ZBED6: variants seen among roughly 807,000 people sequenced by gnomAD.
ZBED6 encodes zinc finger BED domain-containing protein 6.
A neutral mutation model predicts 58.4 loss-of-function variants in ZBED6; 40 were observed. That is an observed-to-expected ratio of 0.68 (90% CI 0.53 to 0.89). The LOEUF (loss-of-function observed/expected upper bound fraction) is 0.89, where lower values mean the gene tolerates loss of function less well. Ranked by LOEUF, ZBED6 falls within the 40% of genes least tolerant of loss-of-function variation. The pLI is 0.00. For missense variants in ZBED6, 1,057 were observed against 1,003.9 expected (o/e 1.05, Z -0.71); for synonymous variants, 439 against 350.6 (o/e 1.25, Z -2.82).
intron 10 of ZBED6, among the ~76,000 whole-genome samples, chr1:203,839,734 A>G (rs1043118937): frequency 6.6e-6 from 1 of 152,210 alleles, no homozygotes; most frequent in African/African-American, 2.4e-5. Flanking sequence ...GCTCTACAAT[A>G]ACAAAATTAT....
chr1:203,812,721 AC>A (rs761691896), intron 1 of ZBED6, among the ~76,000 whole-genome samples: 1 of 150,882 alleles, frequency 6.6e-6, no homozygotes, highest in Non-Finnish European at 1.5e-5. Flanking sequence ...AGCTGGGATT[AC>A]AGGTGTGTGC....
At chr1:203,819,377 A>G (rs2102824589) in intron 3 of ZBED6, among the ~76,000 whole-genome samples, 1 of 150,298 alleles carries the variant, frequency 6.7e-6, no homozygotes, top group Non-Finnish European at 1.5e-5. Flanking sequence ...ACCTGCCACC[A>G]TGGCCTGCTA....
At chr1:203,841,142 CT>C (rs1303978527) in intron 11 of ZBED6, among the ~76,000 whole-genome samples, 201 of 129,738 alleles carry the variant, frequency 1.5e-3, no homozygotes, top group Middle Eastern at 3.8e-3. Flanking sequence ...ACATAAGAAT[CT>C]TTTTTTTTTT....
At chr1:203,809,408 C>T (rs897825250) in intron 1 of ZBED6, among the ~76,000 whole-genome samples, 1 of 151,464 alleles carries the variant, frequency 6.6e-6, no homozygotes, top group Non-Finnish European at 1.5e-5. Flanking sequence ...AACTCCTGAC[C>T]TCGTGATCCG....
intron 1 of ZBED6, among the ~76,000 whole-genome samples, chr1:203,805,001 A>G (rs897630609): frequency 2.6e-5 from 4 of 151,828 alleles, no homozygotes; most frequent in African/African-American, 7.3e-5. Context: ...TATGTTTGTA[A>G]TTTATGCCTT....
chr1:203,848,166 C>G (rs2103414256), intron 12 of ZBED6, among the ~76,000 whole-genome samples, 165 bp from the exon 13 acceptor site: 1 of 152,214 alleles, frequency 6.6e-6, no homozygotes, highest in South Asian at 2.1e-4. Context: ...CCAACCTTTG[C>G]TATTTTAATG....
chr1:203,798,406 G>A (rs1230568920), exon 1 of ZBED6: 3 of 1,533,474 alleles, frequency 2.0e-6, no homozygotes, highest in Non-Finnish European at 2.6e-6. Context: ...GTGAGCCGGG[G>A]TAGGCCAGGG....
intron 1 of ZBED6, among the ~76,000 whole-genome samples, chr1:203,811,741 C>G (rs1407213981): frequency 6.6e-6 from 1 of 151,958 alleles, no homozygotes; most frequent in African/African-American, 2.4e-5. Context: ...AACTCTTGAC[C>G]TCAAATGACT....
intron 1 of ZBED6, among the ~76,000 whole-genome samples, chr1:203,810,171 T>G (rs1405574787): frequency 1.3e-5 from 2 of 151,590 alleles, no homozygotes; most frequent in Non-Finnish European, 2.9e-5. Context: ...AGAGATGAGG[T>G]CTGTCTGTTG....
chr1:203,847,751 G>T, intron 12 of ZBED6, 64 bp downstream of exon 12: 1 of 1,555,688 alleles, frequency 6.4e-7, no homozygotes, highest in Non-Finnish European at 8.6e-7. Context: ...AGTGTTCCGT[G>T]GGATCTTCCT....
At chr1:203,814,569 G>C (rs977146854) in intron 1 of ZBED6, among the ~76,000 whole-genome samples, 2 of 151,440 alleles carry the variant, frequency 1.3e-5, no homozygotes, top group Non-Finnish European at 2.9e-5. Flanking sequence ...CCAATAACAC[G>C]ATCCTAATTT....
At chr1:203,819,265 A>G (rs1677570443) in intron 3 of ZBED6, among the ~76,000 whole-genome samples, 1 of 144,424 alleles carries the variant, frequency 6.9e-6, no homozygotes, top group African/African-American at 2.6e-5. Context: ...TCTGTCGCCC[A>G]CGCTGGAGTG....
At chr1:203,844,662 G>A (rs1265907645) in intron 11 of ZBED6, among the ~76,000 whole-genome samples, 2 of 152,108 alleles carry the variant, frequency 1.3e-5, no homozygotes, top group African/African-American at 4.8e-5. Context: ...TCTCCTGACT[G>A]GGAGACTCCA....
chr1:203,841,979 AG>A (rs1402595461), intron 11 of ZBED6, among the ~76,000 whole-genome samples: 3 of 148,078 alleles, frequency 2.0e-5, no homozygotes, highest in Non-Finnish European at 4.4e-5. Flanking sequence ...GGCTGGGCAG[AG>A]GGGCTCCTCA....
exon 14 of ZBED6, chr1:203,849,782 G>C: frequency 6.2e-7 from 1 of 1,613,890 alleles, no homozygotes; most frequent in Non-Finnish European, 8.5e-7. Context: ...TGAGAGAGAA[G>C]CACATGCAGA....
intron 1 of ZBED6, among the ~76,000 whole-genome samples, chr1:203,808,693 T>C (rs1673200391): frequency 6.6e-6 from 1 of 152,214 alleles, no homozygotes; most frequent in Non-Finnish European, 1.5e-5. Flanking sequence ...TCAGTTATTA[T>C]GTTTTTCATC....
chr1:203,845,103 A>G (rs1687529251), intron 11 of ZBED6, among the ~76,000 whole-genome samples: 1 of 151,890 alleles, frequency 6.6e-6, no homozygotes, highest in South Asian at 2.1e-4. Context: ...GAGGAACAGA[A>G]CTCACGCCTA....
chr1:203,797,501 G>A (rs896246671), exon 1 of ZBED6: 8 of 1,468,666 alleles, frequency 5.4e-6, no homozygotes, highest in Non-Finnish European at 7.1e-6. Flanking sequence ...ATTCTGGTAC[G>A]AATTGTGGAG....
intron 1 of ZBED6, among the ~76,000 whole-genome samples, chr1:203,805,150 T>A (rs1254829763): frequency 6.6e-6 from 1 of 151,610 alleles, no homozygotes; most frequent in Non-Finnish European, 1.5e-5. Context: ...GTGATTTTTT[T>A]TTTTTTTTTT....
Sources: allele counts gnomAD v4.1 joint callset (sites outside exome capture counted in the v4.1 genomes callset), GRCh38; gene constraint gnomAD v4.1.1; transcripts MANE v1.5; gene names NCBI Gene and HGNC (gene_info 2026-07-23, HGNC 2026-07-21).